The following NPAS3 variants were observed in gnomAD, a reference collection of about 807,000 sequenced individuals.
NPAS3 encodes neuronal PAS domain-containing protein 3.
NPAS3 carries 14 observed loss-of-function variants against 73.1 expected under a neutral mutation model. The observed-to-expected ratio is 0.19, with a 90% CI of 0.13 to 0.30. The LOEUF is 0.30. Among genes scored for constraint, NPAS3 ranks in the 10% least tolerant of loss-of-function variants. The probability of loss-of-function intolerance (pLI) is 1.00; values close to 1 mark genes in which losing one functional copy is unlikely to be tolerated. For missense variants in NPAS3, 1,096 were observed against 1,250.0 expected (o/e 0.88, Z 1.86); for synonymous variants, 620 against 541.5 (o/e 1.14, Z -2.01).
intron 1 of NPAS3, among the ~76,000 whole-genome samples, chr14:33,038,258 C>A (rs1298054960): frequency 1.3e-5 from 2 of 152,060 alleles, no homozygotes; most frequent in Non-Finnish European, 2.9e-5. Flanking sequence ...GCTAACTGAT[C>A]CTTACTTACA....
rs117483559 is a variant in NPAS3 at position 33,734,694 on chromosome 14, C to T, written c.734-520C>T. ...TCTTACTCCCCATGATGAAGAAAACCAGCTCCGAGGGGTGAGGACATTGGT... is the reference window on the plus strand; with the variant it reads ...TCTTACTCCCCATGATGAAGAAAACTAGCTCCGAGGGGTGAGGACATTGGT... On this transcript the variant is annotated intron_variant, in intron 6 of 11. Coordinates refer to ENST00000356141, the Ensembl canonical transcript of NPAS3. Among the ~76,000 whole-genome samples the T allele has an allele frequency of 3.7e-3, 561 of 152,258 alleles. 4 individuals carry two copies. Among genetic ancestry groups the T allele is most frequent in the Middle Eastern group, 6.8e-3 (2 of 294 alleles).
chr14:33,229,080 A>G (rs1331304693), intron 3 of NPAS3, among the ~76,000 whole-genome samples: 1 of 152,092 alleles, frequency 6.6e-6, no homozygotes, highest in East Asian at 1.9e-4. Flanking sequence ...TGTAAGGTAA[A>G]CTCACGATGG....
intron 1 of NPAS3, among the ~76,000 whole-genome samples, chr14:33,030,729 C>T (rs1190059124): frequency 6.6e-6 from 1 of 152,102 alleles, no homozygotes; most frequent in Non-Finnish European, 1.5e-5. Context: ...GTGTCAATGC[C>T]AGTGTATGAG....
intron 5 of NPAS3, among the ~76,000 whole-genome samples, chr14:33,602,509 G>A (rs1447892787): frequency 6.6e-6 from 1 of 152,220 alleles, no homozygotes. Flanking sequence ...AGTCCCTCAT[G>A]GTGGGTGGGT....
At chr14:33,167,451 T>G (rs151044328) in intron 2 of NPAS3, among the ~76,000 whole-genome samples, 1 of 152,168 alleles carries the variant, frequency 6.6e-6, no homozygotes, top group Non-Finnish European at 1.5e-5. Context: ...GCACGTATAT[T>G]GTAAAGATAA....
At chr14:32,937,007 T>C (rs1472730118), upstream of NPAS3, among the ~76,000 whole-genome samples, 3 of 151,794 alleles carry the variant, frequency 2.0e-5, no homozygotes, top group Non-Finnish European at 2.9e-5. Context: ...TTTTATGTTA[T>C]ATTGGCAGAA....
chr14:33,687,539 A>G (rs1595441465), intron 6 of NPAS3, among the ~76,000 whole-genome samples: 1 of 152,246 alleles, frequency 6.6e-6, no homozygotes, highest in East Asian at 1.9e-4. Flanking sequence ...GATTGATGTC[A>G]GAGGGAAATC....
At chr14:33,437,972 T>C (rs2049062080) in intron 4 of NPAS3, among the ~76,000 whole-genome samples, 1 of 152,172 alleles carries the variant, frequency 6.6e-6, no homozygotes, top group Non-Finnish European at 1.5e-5. Context: ...GTGTACAACA[T>C]TTAAGTTGGC....
chr14:33,351,586 T>C (rs2045055629), intron 3 of NPAS3, among the ~76,000 whole-genome samples: 1 of 152,158 alleles, frequency 6.6e-6, no homozygotes. Context: ...TGCATATACG[T>C]GTATGTACAC....
chr14:33,456,756 G>C (rs2050040347), intron 4 of NPAS3, among the ~76,000 whole-genome samples: 1 of 152,136 alleles, frequency 6.6e-6, no homozygotes, highest in South Asian at 2.1e-4. Context: ...TGGAAGGGAG[G>C]CAGAGCTGGC....
intron 3 of NPAS3, among the ~76,000 whole-genome samples, chr14:33,234,521 A>G (rs544848737): frequency 7.0e-4 from 106 of 152,242 alleles, no homozygotes; most frequent in African/African-American, 2.4e-3. Context: ...ACCACTGACT[A>G]AATAGACTTC....
intron 2 of NPAS3, among the ~76,000 whole-genome samples, chr14:33,208,903 A>G (rs2046928370): frequency 6.6e-6 from 1 of 152,210 alleles, no homozygotes; most frequent in South Asian, 2.1e-4. Flanking sequence ...GTGATGATCT[A>G]CAGCAGCAAC....
At chr14:33,044,421 T>C (rs568537213) in intron 1 of NPAS3, among the ~76,000 whole-genome samples, 58 of 152,334 alleles carry the variant, frequency 3.8e-4, no homozygotes, top group Middle Eastern at 6.8e-3. Context: ...TTGAAAAACC[T>C]GAACATTTTT....
chr14:33,199,199 G>A (rs1032599157), intron 2 of NPAS3, among the ~76,000 whole-genome samples: 4 of 152,218 alleles, frequency 2.6e-5, no homozygotes, highest in African/African-American at 9.6e-5. Context: ...CAGTGCAGAT[G>A]CGGGCTGAAG....
intron 5 of NPAS3, among the ~76,000 whole-genome samples, chr14:33,627,932 T>A (rs2058267807): frequency 6.6e-6 from 1 of 152,210 alleles, no homozygotes; most frequent in South Asian, 2.1e-4. Context: ...TTATCAGCAG[T>A]GTATTTATTG....
intron 7 of NPAS3, among the ~76,000 whole-genome samples, chr14:33,738,287 G>T (rs1440180114): frequency 6.6e-6 from 1 of 152,162 alleles, no homozygotes; most frequent in Non-Finnish European, 1.5e-5. Context: ...AATCCTCCAA[G>T]GCTGTCCGCT....
chr14:33,705,765 G>A (rs1360914849), intron 6 of NPAS3, among the ~76,000 whole-genome samples: 2 of 152,180 alleles, frequency 1.3e-5, no homozygotes, highest in African/African-American at 4.8e-5. Context: ...GCAGTGGTGG[G>A]AAATACGTAC....
intron 2 of NPAS3, among the ~76,000 whole-genome samples, chr14:33,168,109 C>T (rs886398565): frequency 6.6e-6 from 1 of 152,140 alleles, no homozygotes; most frequent in Non-Finnish European, 1.5e-5. Context: ...TTGGGAGCAG[C>T]GTAGCTACGG....
At chr14:33,019,162 C>T (rs916302180) in intron 1 of NPAS3, among the ~76,000 whole-genome samples, 22 of 152,134 alleles carry the variant, frequency 1.4e-4, no homozygotes, top group African/African-American at 3.4e-4. Context: ...ATTCGTACCT[C>T]GCCTCCCCAC....
Sources: allele counts gnomAD v4.1 joint callset (sites outside exome capture counted in the v4.1 genomes callset), GRCh38; gene constraint gnomAD v4.1.1; transcripts MANE v1.5; gene names NCBI Gene and HGNC (gene_info 2026-07-23, HGNC 2026-07-21).